The following SVIL variants were observed in gnomAD, a reference collection of about 807,000 sequenced individuals.
SVIL encodes archvillin.
Under a neutral mutation model 240.4 loss-of-function variants are expected in SVIL, and 101 were observed. That is an observed-to-expected ratio of 0.42 (90% CI 0.36 to 0.50). The LOEUF is 0.50. Ranked by LOEUF, SVIL falls within the 20% of genes least tolerant of loss-of-function variation. The pLI, the probability that SVIL is intolerant of heterozygous loss-of-function variation, is 0.01. For missense variants in SVIL, 2,512 were observed against 2,818.7 expected (o/e 0.89, Z 2.46); for synonymous variants, 999 against 1,100.0 (o/e 0.91, Z 1.82).
chr10:29,503,676 C>A (rs553521240), intron 17 of SVIL, among the ~76,000 whole-genome samples: 1 of 152,182 alleles, frequency 6.6e-6, no homozygotes, highest in Non-Finnish European at 1.5e-5. Context: ...AACAGAAATG[C>A]CTTTGGCAAA....
chr10:29,525,625 T>C (rs1950848199), intron 13 of SVIL, among the ~76,000 whole-genome samples: 1 of 151,938 alleles, frequency 6.6e-6, no homozygotes, highest in African/African-American at 2.4e-5. Context: ...AATACATAAA[T>C]CAGTAAATAA....
chr10:29,722,377 A>ATATC (rs1724427370), intron 1 of SVIL, among the ~76,000 whole-genome samples: 1 of 152,152 alleles, frequency 6.6e-6, no homozygotes, highest in African/African-American at 2.4e-5. Context: ...ATGCAAGACC[A>ATATC]TATCAAAAAG....
intron 3 of SVIL, among the ~76,000 whole-genome samples, chr10:29,643,801 A>G (rs1958567105): frequency 6.6e-6 from 1 of 152,078 alleles, no homozygotes; most frequent in Non-Finnish European, 1.5e-5. Context: ...ACCACTGATG[A>G]GCCAGCCAAC....
At chr10:29,487,022 G>A in intron 24 of SVIL, 141 bp downstream of exon 24, 2 of 1,069,550 alleles carry the variant, frequency 1.9e-6, no homozygotes, top group East Asian at 2.6e-5. Context: ...AGACATTCAG[G>A]AAAAGAAATC....
At chr10:29,732,668 C>T (rs1479376648) in intron 1 of SVIL, among the ~76,000 whole-genome samples, 1 of 152,208 alleles carries the variant, frequency 6.6e-6, no homozygotes, top group Non-Finnish European at 1.5e-5. Flanking sequence ...CTTCTATCAA[C>T]TTGGTGGTTC....
At chr10:29,563,920 G>T (rs3758373) in intron 2 of SVIL, among the ~76,000 whole-genome samples, 1 of 151,004 alleles carries the variant, frequency 6.6e-6, no homozygotes, top group Non-Finnish European at 1.5e-5. Context: ...CCATGTATCT[G>T]CTTTCCCCCA....
intron 3 of SVIL, among the ~76,000 whole-genome samples, chr10:29,642,072 C>A (rs1433352508): frequency 6.6e-6 from 1 of 152,088 alleles, no homozygotes; most frequent in Non-Finnish European, 1.5e-5. Flanking sequence ...GTTCTCTCTG[C>A]TCAGAATGCC....
chr10:29,470,247 G>A (rs778335735), intron 32 of SVIL, 29 bp downstream of exon 32: 1 of 1,519,166 alleles, frequency 6.6e-7, no homozygotes, highest in Non-Finnish European at 8.8e-7. Flanking sequence ...CCGGTGTGTG[G>A]GGGGACTCGC....
At chr10:29,667,302 CA>C (rs1959381984) in intron 2 of SVIL, among the ~76,000 whole-genome samples, 2 of 152,040 alleles carry the variant, frequency 1.3e-5, no homozygotes, top group Admixed American at 6.6e-5. Flanking sequence ...AACTCAGCAA[CA>C]AAAAGGAACT....
intron 1 of SVIL, among the ~76,000 whole-genome samples, chr10:29,630,758 A>T (rs1414472418): frequency 2.0e-5 from 3 of 152,108 alleles, no homozygotes; most frequent in Non-Finnish European, 2.9e-5. Flanking sequence ...AGGAAAAAAA[A>T]GGAGAACTTA....
At chr10:29,459,178 T>C (rs904158663) in intron 36 of SVIL, among the ~76,000 whole-genome samples, 3 of 152,162 alleles carry the variant, frequency 2.0e-5, no homozygotes, top group Non-Finnish European at 4.4e-5. Context: ...GGCTCAATCA[T>C]AGCTCTCTGC....
intron 1 of SVIL, among the ~76,000 whole-genome samples, chr10:29,623,476 C>G (rs2039076916): frequency 6.6e-6 from 1 of 152,238 alleles, no homozygotes; most frequent in Admixed American, 6.5e-5. Flanking sequence ...GAGGATGGGA[C>G]CCATTAGGAG....
intron 27 of SVIL, chr10:29,483,278 G>A (rs572164554): frequency 6.6e-5 from 10 of 152,300 alleles, no homozygotes; most frequent in African/African-American, 2.4e-4. Flanking sequence ...GGGTGAGGGG[G>A]ACAAACCTGG....
intron 29 of SVIL, among the ~76,000 whole-genome samples, chr10:29,474,373 TGTTTGAGGTCAG>T (rs1412037473): frequency 6.6e-6 from 1 of 152,016 alleles, no homozygotes; most frequent in Non-Finnish European, 1.5e-5. Flanking sequence ...CTGGGAGGAC[TGTTTGAGGTCAG>T]GATTTCAAGA....
At chr10:29,471,347 C>T in intron 30 of SVIL, 104 bp from the exon 31 acceptor site, 1 of 898,902 alleles carries the variant, frequency 1.1e-6, no homozygotes, top group Non-Finnish European at 1.7e-6. Context: ...CCAAGACGTA[C>T]AAACAAAAGC....
intron 1 of SVIL, among the ~76,000 whole-genome samples, chr10:29,583,020 G>A (rs7079620): frequency 0.42 from 63,857 of 151,954 alleles, 13,591 homozygotes; most frequent in Admixed American, 0.5. Flanking sequence ...ACACTGAGTC[G>A]TCACAGAGGA....
intron 2 of SVIL, among the ~76,000 whole-genome samples, chr10:29,681,213 G>A (rs1272838626): frequency 6.6e-6 from 1 of 152,130 alleles, no homozygotes; most frequent in African/African-American, 2.4e-5. Context: ...GGGAAGAGAA[G>A]AGGATGAGCC....
chr10:29,514,540 C>T (rs775819265), intron 16 of SVIL, among the ~76,000 whole-genome samples: 7 of 152,144 alleles, frequency 4.6e-5, no homozygotes, highest in Non-Finnish European at 1.0e-4. Context: ...CTACACTAGG[C>T]TAATTTTTAA....
chr10:29,639,849 G>A (rs1958429014), upstream of SVIL, among the ~76,000 whole-genome samples: 1 of 152,092 alleles, frequency 6.6e-6, no homozygotes, highest in African/African-American at 2.4e-5. Context: ...AGGTTTCAGG[G>A]CCCTTTATCT....
Sources: gnomAD v4.1 joint callset for allele counts (sites outside exome capture counted in the v4.1 genomes callset) on GRCh38, gnomAD v4.1.1 for gene constraint, MANE v1.5 for transcripts, NCBI Gene and HGNC (gene_info 2026-07-23, HGNC 2026-07-21) for gene names.